The following TMEM163 variants were observed in gnomAD, a reference collection of about 807,000 sequenced individuals.
The protein encoded by TMEM163 is transmembrane protein 163.
A neutral mutation model predicts 29.3 loss-of-function variants in TMEM163; 17 were observed. The ratio of observed to expected loss-of-function variants is 0.58; its 90% CI spans 0.40 to 0.87. The LOEUF is 0.87. Among genes scored for constraint, TMEM163 ranks in the 40% least tolerant of loss-of-function variants. TMEM163 has a pLI of 0.00. For synonymous variants in TMEM163, 157 were observed against 160.6 expected, an observed-to-expected ratio of 0.98 and a Z score of 0.17; for missense variants, 303 against 381.5, an observed-to-expected ratio of 0.79 and a Z score of 1.71.
At chr2:134,493,362 CTTTTTTTTTT>C (rs1159013721) in intron 5 of TMEM163, among the ~76,000 whole-genome samples, 28 of 49,848 alleles carry the variant, frequency 5.6e-4, no homozygotes, top group African/African-American at 2.0e-3. Context: ...CTTTTGGTGT[CTTTTTTTTTT>C]TTTTTTTTTT....
intron 2 of TMEM163, among the ~76,000 whole-genome samples, chr2:134,682,135 C>T (rs1390427111): frequency 6.6e-6 from 1 of 152,180 alleles, no homozygotes; most frequent in East Asian, 1.9e-4. Flanking sequence ...TCTCAATTCT[C>T]CCAGGCATGG....
chr2:134,644,706 A>G (rs1683296351), intron 2 of TMEM163, among the ~76,000 whole-genome samples: 1 of 152,192 alleles, frequency 6.6e-6, no homozygotes, highest in Non-Finnish European at 1.5e-5. Flanking sequence ...ATCTGAAGTT[A>G]GGCAAAGAGT....
chr2:134,484,394 A>G (rs1026845056), intron 5 of TMEM163, among the ~76,000 whole-genome samples: 2 of 152,054 alleles, frequency 1.3e-5, no homozygotes, highest in African/African-American at 2.4e-5. Flanking sequence ...AAATTGGAAG[A>G]CAAGCTGAGC....
At chr2:134,686,128 A>G (rs1574338797) in intron 2 of TMEM163, among the ~76,000 whole-genome samples, 1 of 152,200 alleles carries the variant, frequency 6.6e-6, no homozygotes, top group Admixed American at 6.5e-5. Flanking sequence ...AAAAGGACAA[A>G]CCTTCCCTGA....
At chr2:134,690,069 T>C (rs1684428918) in intron 2 of TMEM163, among the ~76,000 whole-genome samples, 1 of 152,076 alleles carries the variant, frequency 6.6e-6, no homozygotes, top group Non-Finnish European at 1.5e-5. Flanking sequence ...TAGCTGGGAC[T>C]ACAGGCACGC....
intron 2 of TMEM163, among the ~76,000 whole-genome samples, chr2:134,556,003 G>GT (rs1681041631): frequency 6.6e-6 from 1 of 152,202 alleles, no homozygotes; most frequent in Non-Finnish European, 1.5e-5. Flanking sequence ...CCTGTGCCAA[G>GT]TTTTTTGCTG....
At chr2:134,547,475 T>G (rs186377171) in intron 4 of TMEM163, among the ~76,000 whole-genome samples, 254 of 152,328 alleles carry the variant, frequency 1.7e-3, no homozygotes, top group Middle Eastern at 6.8e-3. Flanking sequence ...GCCAGTTGCA[T>G]ATTTTCCAAT....
At chr2:134,542,841 G>C (rs1680704899) in intron 4 of TMEM163, among the ~76,000 whole-genome samples, 1 of 152,146 alleles carries the variant, frequency 6.6e-6, no homozygotes, top group Non-Finnish European at 1.5e-5. Flanking sequence ...TCTAGCCTCT[G>C]GTCTTTGCTG....
intron 2 of TMEM163, among the ~76,000 whole-genome samples, chr2:134,711,063 T>C (rs551147236): frequency 1.3e-3 from 196 of 152,320 alleles, no homozygotes; most frequent in Non-Finnish European, 2.0e-3. Context: ...TTTTGAAATG[T>C]TCCATTTTTC....
intron 2 of TMEM163, among the ~76,000 whole-genome samples, chr2:134,578,627 A>G (rs923385258): frequency 1.3e-5 from 2 of 152,158 alleles, no homozygotes; most frequent in Non-Finnish European, 2.9e-5. Flanking sequence ...TGCACAACCA[A>G]AGTAATACTA....
intron 4 of TMEM163, among the ~76,000 whole-genome samples, chr2:134,543,141 C>T (rs1466580930): frequency 1.3e-5 from 2 of 152,194 alleles, no homozygotes; most frequent in Admixed American, 6.5e-5. Context: ...ACCAAGCCTA[C>T]ACTCCTTCCT....
intron 2 of TMEM163, among the ~76,000 whole-genome samples, chr2:134,555,425 G>A (rs1393308660): frequency 6.6e-6 from 1 of 152,180 alleles, no homozygotes; most frequent in East Asian, 1.9e-4. Flanking sequence ...GTGGCTGAGT[G>A]TAGTGGAAAG....
Position 134,466,109 on chromosome 2 carries a change from C to T in TMEM163, c.667+5G>A. The T allele has an allele frequency of 1.2e-6, 2 of 1,609,324 alleles. No homozygotes were observed. The highest frequency in any genetic ancestry group is 1.7e-6 in the Non-Finnish European group (2 of 1,177,330). ...CCAGAGATTAGGCACCCTGGCCTTA[C>T]TCACCATCTGTTATGAGTGCTCTAC... On this transcript the variant is annotated splice_donor_5th_base_variant and intron_variant, in intron 6 of 7. Transcript: ENST00000281924.
chr2:134,717,795 A>G (rs1301502574), intron 1 of TMEM163, among the ~76,000 whole-genome samples: 1 of 152,192 alleles, frequency 6.6e-6, no homozygotes, highest in Non-Finnish European at 1.5e-5. Context: ...AAGAAGTAGA[A>G]AAGGTGCAGA....
chr2:134,650,613 T>C (rs925770982), intron 2 of TMEM163, among the ~76,000 whole-genome samples: 4 of 144,596 alleles, frequency 2.8e-5, no homozygotes, highest in Non-Finnish European at 5.9e-5. Flanking sequence ...TATGTATGTA[T>C]ACATGTGCCA....
intron 2 of TMEM163, among the ~76,000 whole-genome samples, chr2:134,569,317 A>C (rs893222538): frequency 7.2e-5 from 11 of 152,184 alleles, no homozygotes; most frequent in Non-Finnish European, 1.3e-4. Context: ...TTTCAAAACA[A>C]GTTCCTTAGA....
intron 5 of TMEM163, chr2:134,466,792 T>G (rs1239188399): frequency 6.5e-6 from 1 of 152,878 alleles, no homozygotes; most frequent in Admixed American, 6.5e-5. Flanking sequence ...CGTCTGCTAC[T>G]GACGTTATCT....
At chr2:134,646,574 A>G (rs1683342714) in intron 2 of TMEM163, among the ~76,000 whole-genome samples, 1 of 151,978 alleles carries the variant, frequency 6.6e-6, no homozygotes, top group South Asian at 2.1e-4. Flanking sequence ...CCTCCCACGT[A>G]GCTGGGATTA....
At chr2:134,530,892 A>T (rs2106499074) in intron 4 of TMEM163, among the ~76,000 whole-genome samples, 1 of 152,274 alleles carries the variant, frequency 6.6e-6, no homozygotes, top group African/African-American at 2.4e-5. Context: ...CACACAACAC[A>T]CACCCTTCCT....
Sources: gnomAD v4.1 joint callset for allele counts (sites outside exome capture counted in the v4.1 genomes callset) on GRCh38, gnomAD v4.1.1 for gene constraint, MANE v1.5 for transcripts, NCBI Gene and HGNC (gene_info 2026-07-23, HGNC 2026-07-21) for gene names.